The following ATP10B variants were observed in gnomAD, a reference collection of about 807,000 sequenced individuals.
ATP10B encodes phospholipid-transporting ATPase VB.
In ATP10B, 122 loss-of-function variants were observed where a neutral mutation model predicts 141.2. The ratio of observed to expected loss-of-function variants is 0.86; its 90% CI spans 0.75 to 1.00. The LOEUF (loss-of-function observed/expected upper bound fraction) is 1.00, where lower values mean the gene tolerates loss of function less well. Among genes scored for constraint, ATP10B ranks in the 50% least tolerant of loss-of-function variants. The pLI is 0.00. For missense variants in ATP10B, 1,876 were observed against 1,825.3 expected (o/e 1.03, Z -0.51); for synonymous variants, 685 against 692.0 (o/e 0.99, Z 0.16).
At chr5:160,716,794 G>A in intron 3 of ATP10B, 115 bp downstream of exon 3, 2 of 710,552 alleles carry the variant, frequency 2.8e-6, no homozygotes, top group South Asian at 1.3e-4. Flanking sequence ...CCTTAGCTCT[G>A]GTTTCCATCA....
At chr5:160,792,110 A>G (rs896350214) in intron 1 of ATP10B, among the ~76,000 whole-genome samples, 5 of 152,130 alleles carry the variant, frequency 3.3e-5, no homozygotes, top group African/African-American at 1.2e-4. Flanking sequence ...CAGAGGAAAT[A>G]AATCCCCCCC....
At chr5:160,663,143 G>C (rs926116951) in intron 7 of ATP10B, among the ~76,000 whole-genome samples, 2 of 151,998 alleles carry the variant, frequency 1.3e-5, no homozygotes, top group African/African-American at 4.8e-5. Context: ...GAAACAACAG[G>C]TGCTGGAGAG....
intron 24 of ATP10B, among the ~76,000 whole-genome samples, chr5:160,579,752 G>T (rs1333195994): frequency 6.6e-6 from 1 of 152,140 alleles, no homozygotes; most frequent in Admixed American, 6.6e-5. Flanking sequence ...AAATTAATTT[G>T]GGCAGTATGG....
At chr5:160,803,409 G>A (rs777968645) in intron 1 of ATP10B, among the ~76,000 whole-genome samples, 5 of 152,178 alleles carry the variant, frequency 3.3e-5, no homozygotes, top group East Asian at 3.9e-4. Flanking sequence ...CAGGCACGGC[G>A]GCTCACACCT....
chr5:160,628,537 G>A (rs936028908), intron 13 of ATP10B, among the ~76,000 whole-genome samples: 11 of 152,106 alleles, frequency 7.2e-5, no homozygotes, highest in African/African-American at 2.7e-4. Context: ...GTGAAAGGAG[G>A]CAGAGGTCCA....
the ATP10B span, among the ~76,000 whole-genome samples, chr5:160,925,996 C>T: frequency 1.1e-4 from 17 of 152,148 alleles, no homozygotes; most frequent in Admixed American, 1.0e-3. Flanking sequence ...GTAATATAGC[C>T]CAGTAGAAGG....
intron 2 of ATP10B, among the ~76,000 whole-genome samples, chr5:160,717,549 G>A (rs960424165): frequency 6.6e-6 from 1 of 152,140 alleles, no homozygotes; most frequent in Non-Finnish European, 1.5e-5. Context: ...GAGAGCACCT[G>A]CTTTAACGGT....
At chr5:160,687,713 C>T (rs1258017038) in intron 5 of ATP10B, 87 bp downstream of exon 5, 28 of 1,447,608 alleles carry the variant, frequency 1.9e-5, no homozygotes, top group Admixed American at 3.9e-5. Flanking sequence ...TGCAGTGAGC[C>T]GAGATTGCAC....
rs776037475 is a variant in ATP10B at position 160,669,918 on chromosome 5, T to TAAAAAAAA, written c.675+537_675+544dup. Among the ~76,000 whole-genome samples, 64 of 89,686 alleles carry TAAAAAAAA rather than the reference T, an allele frequency of 7.1e-4. 3 individuals are homozygous for TAAAAAAAA. The highest frequency in any genetic ancestry group is 3.2e-3 in the African/African-American group (62 of 19,304). 58.8% of individuals were successfully genotyped at this position (89,686 alleles called of 152,430 possible). A position where few individuals can be genotyped will look rare whatever the true frequency, so the allele number is the denominator to read the frequency against. Reference sequence around the variant, plus strand: ...TGCACCCAGTGGAGACCCAGTCTCTTAAAAAAAAAAAGATATCAGTGATCT... The same window carrying TAAAAAAAA: ...TGCACCCAGTGGAGACCCAGTCTCTTAAAAAAAAAAAAAAAAAAAGATATCAGTGATCT... On this transcript the variant is annotated intron_variant, in intron 7 of 25. Coordinates refer to ENST00000327245, the MANE Select transcript of ATP10B (RefSeq NM_025153.3).
chr5:160,859,554 A>ATCCC, the ATP10B span, among the ~76,000 whole-genome samples: 1 of 151,814 alleles, frequency 6.6e-6, no homozygotes, highest in East Asian at 1.9e-4. Flanking sequence ...GTCTGTTCTA[A>ATCCC]TCCCAGTCTT....
chr5:160,898,128 A>G, the ATP10B span, among the ~76,000 whole-genome samples: 2 of 152,142 alleles, frequency 1.3e-5, no homozygotes, highest in Non-Finnish European at 2.9e-5. Flanking sequence ...AGCAATGGCA[A>G]CAAAAGCCAA....
At chr5:160,802,029 G>T (rs1384421830) in intron 1 of ATP10B, among the ~76,000 whole-genome samples, 1 of 152,198 alleles carries the variant, frequency 6.6e-6, no homozygotes, top group East Asian at 1.9e-4. Flanking sequence ...AGTTCCCATT[G>T]ATCTGCTGCA....
At chr5:160,746,612 G>A (rs1421756784) in intron 2 of ATP10B, among the ~76,000 whole-genome samples, 6 of 151,886 alleles carry the variant, frequency 4.0e-5, no homozygotes, top group African/African-American at 1.5e-4. Context: ...GGCTGGTCTC[G>A]CACTCCTGAC....
intron 2 of ATP10B, among the ~76,000 whole-genome samples, chr5:160,763,239 C>T (rs1769174230): frequency 6.6e-6 from 1 of 152,096 alleles, no homozygotes; most frequent in Admixed American, 6.6e-5. Flanking sequence ...GAACATTCTA[C>T]CCAGCAACTG....
chr5:160,774,829 C>A (rs1371788057), intron 2 of ATP10B, among the ~76,000 whole-genome samples: 2 of 152,138 alleles, frequency 1.3e-5, no homozygotes, highest in African/African-American at 2.4e-5. Context: ...CTGCAGGGGG[C>A]CTCTCTTTTC....
At chr5:160,794,222 G>C (rs1252491989) in intron 1 of ATP10B, among the ~76,000 whole-genome samples, 2 of 152,162 alleles carry the variant, frequency 1.3e-5, no homozygotes, top group African/African-American at 2.4e-5. Flanking sequence ...TGCTTGTAAG[G>C]ATCAGGGGAG....
intron 1 of ATP10B, among the ~76,000 whole-genome samples, chr5:160,796,006 C>T (rs1169670877): frequency 6.6e-6 from 1 of 152,102 alleles, no homozygotes; most frequent in Non-Finnish European, 1.5e-5. Context: ...GGTCATTCTG[C>T]CCCCTGAGTT....
At chr5:160,759,553 C>T (rs1469048448) in intron 2 of ATP10B, among the ~76,000 whole-genome samples, 4 of 152,290 alleles carry the variant, frequency 2.6e-5, no homozygotes, top group African/African-American at 7.2e-5. Context: ...CTCAGGAAGG[C>T]ATGAGTGAAT....
intron 1 of ATP10B, among the ~76,000 whole-genome samples, chr5:160,786,919 C>T (rs1201894981): frequency 2.0e-5 from 3 of 152,082 alleles, no homozygotes; most frequent in Admixed American, 6.6e-5. Flanking sequence ...CCTCCTCAGT[C>T]TTGTCCCCCT....
Sources: allele counts gnomAD v4.1 joint callset (sites outside exome capture counted in the v4.1 genomes callset), GRCh38; gene constraint gnomAD v4.1.1; transcripts MANE v1.5; gene names NCBI Gene and HGNC (gene_info 2026-07-23, HGNC 2026-07-21).